Variants in PDGFC observed in about 807,000 individuals in gnomAD.
PDGFC encodes the protein platelet derived growth factor C, also known as platelet-derived growth factor C.
PDGFC carries 12 observed loss-of-function variants against 35.5 expected under a neutral mutation model. The ratio of observed to expected loss-of-function variants is 0.34; its 90% confidence interval spans 0.22 to 0.55. The LOEUF (loss-of-function observed/expected upper bound fraction) is 0.55. Ranked by LOEUF, PDGFC falls within the 20% of genes least tolerant of loss-of-function variation. The probability of loss-of-function intolerance (pLI) is 0.91; values close to 1 mark genes in which losing one functional copy is unlikely to be tolerated. For missense variants in PDGFC, 322 were observed against 412.4 expected (o/e 0.78, Z 1.90); for synonymous variants, 159 against 148.8 (o/e 1.07, Z -0.50).
intron 1 of PDGFC, among the ~76,000 whole-genome samples, chr4:156,926,308 A>G (rs541891824): frequency 4.7e-4 from 72 of 152,294 alleles, no homozygotes; most frequent in Middle Eastern, 3.4e-3. Flanking sequence ...CCATGATAGA[A>G]CCAAGAAAAC....
chr4:156,887,287 T>C (rs1730398541), intron 1 of PDGFC, among the ~76,000 whole-genome samples: 1 of 152,148 alleles, frequency 6.6e-6, no homozygotes. Flanking sequence ...TTCTGTTAAC[T>C]TGATAAGGAG....
intron 3 of PDGFC, among the ~76,000 whole-genome samples, chr4:156,797,439 A>T (rs902783115): frequency 1.4e-4 from 21 of 152,200 alleles, no homozygotes; most frequent in Admixed American, 1.2e-3. Context: ...GTGATACGCA[A>T]AAAACAGAAG....
In PDGFC at chr4:156,825,578, TAATAATAATAATAATAAG is replaced by T. The variant is rs1455494549; in HGVS notation, c.315-14579_315-14562del. ...ATAATAATAATAATAATAATAATAA[TAATAATAATAATAATAAG>T]AAGAAGAAGAAGAAGAAGAAGAAGA... On this transcript the variant is annotated intron_variant, in intron 2 of 5. Coordinates refer to ENST00000502773, the MANE Select transcript of PDGFC (RefSeq NM_016205.3). 3.8e-4 allele frequency among the ~76,000 whole-genome samples: 36 copies of T among 94,998 alleles called. 1 individual carries two copies. Among genetic ancestry groups the T allele is most frequent in the East Asian group, 3.2e-3 (11 of 3,472 alleles). The allele number at this position is 94,998 out of a possible 152,430, so 62.3% of individuals were successfully genotyped here. A position where few individuals can be genotyped will look rare whatever the true frequency, so the allele number is the denominator to read the frequency against.
At position 156,772,873 on chromosome 4, in the gene PDGFC, A is replaced by G; in HGVS notation, c.516T>C (p.Ser172=). The change falls in exon 4 of 6, where the codon AGT becomes AGC. Residue 172 remains serine, a synonymous_variant. Transcript: ENST00000502773. ...AAGCTGAAGGGGGTAGCACTGAAGG[A>G]CTCACAGCTTCTGTGAATTGCTGAA... The part of the protein sequence containing the change: ...IVMPQFTEAV[S]PSVLPPSALP... 6.2e-7 allele frequency: 1 copy of G among 1,612,072 alleles called. No individual in the cohort carries two copies. Among genetic ancestry groups the G allele is most frequent in the Non-Finnish European group, 8.5e-7 (1 of 1,178,242 alleles).
chr4:156,831,223 T>C (rs556888926), intron 2 of PDGFC, among the ~76,000 whole-genome samples: 2 of 152,342 alleles, frequency 1.3e-5, no homozygotes, highest in East Asian at 1.9e-4. Flanking sequence ...ACTTGTGCTG[T>C]TGAAATATCC....
At chr4:156,799,751 A>G (rs1293649587) in intron 3 of PDGFC, among the ~76,000 whole-genome samples, 1 of 152,184 alleles carries the variant, frequency 6.6e-6, no homozygotes, top group Non-Finnish European at 1.5e-5. Flanking sequence ...AAAAATATTG[A>G]CTGCATTCAT....
intron 1 of PDGFC, among the ~76,000 whole-genome samples, chr4:156,899,077 A>C (rs1054056265): frequency 6.6e-6 from 1 of 152,192 alleles, no homozygotes; most frequent in African/African-American, 2.4e-5. Flanking sequence ...ACAAAACAAA[A>C]CCAGTAAAAT....
rs59130178 is a variant in PDGFC, at chr4:156,790,493, T to C, written c.496-17600A>G. ...GGAGGAAAGGAGATTGTGAATCAGA[T>C]GGAAGATAAGCAAAAACAATTTAAA... is the stretch of plus-strand genomic sequence containing the variant. On this transcript the variant is annotated intron_variant, in intron 3 of 5. Coordinates refer to ENST00000502773, the MANE Select transcript of PDGFC (RefSeq NM_016205.3). Among the ~76,000 whole-genome samples, 710 of 152,342 alleles carry C rather than the reference T, an allele frequency of 4.7e-3. 4 individuals carry two copies. Among genetic ancestry groups the C allele is most frequent in the African/African-American group, 0.016 (659 of 41,572 alleles).
intron 1 of PDGFC, among the ~76,000 whole-genome samples, chr4:156,924,337 T>G (rs949465757): frequency 6.6e-6 from 1 of 152,198 alleles, no homozygotes; most frequent in South Asian, 2.1e-4. Context: ...ACCTGTAATA[T>G]AGAAGGCACT....
At chr4:156,933,349 C>T (rs539056545) in intron 1 of PDGFC, among the ~76,000 whole-genome samples, 10 of 152,294 alleles carry the variant, frequency 6.6e-5, no homozygotes, top group East Asian at 1.9e-4. Context: ...AATCAATACA[C>T]GGCATCTTTT....
At chr4:156,885,909 T>C (rs1045990419) in intron 1 of PDGFC, among the ~76,000 whole-genome samples, 3 of 150,840 alleles carry the variant, frequency 2.0e-5, no homozygotes, top group Non-Finnish European at 4.4e-5. Flanking sequence ...ATAAATAAAA[T>C]TCAGGCCTCT....
At chr4:156,944,727 A>G (rs1731897162) in intron 1 of PDGFC, among the ~76,000 whole-genome samples, 1 of 152,116 alleles carries the variant, frequency 6.6e-6, no homozygotes, top group Admixed American at 6.6e-5. Context: ...TTCAGAATAA[A>G]TCCAAAACCT....
intron 1 of PDGFC, among the ~76,000 whole-genome samples, chr4:156,868,184 A>T (rs1729890192): frequency 6.6e-6 from 1 of 152,232 alleles, no homozygotes; most frequent in South Asian, 2.1e-4. Context: ...TTTGACAAAA[A>T]ATGCAGTATA....
chr4:156,960,252 T>TTTTATATATATATATA (rs1393791877), intron 1 of PDGFC, among the ~76,000 whole-genome samples: 72 of 137,120 alleles, frequency 5.3e-4, no homozygotes, highest in African/African-American at 2.0e-3. Context: ...TATATAACTG[T>TTTTATATATATATATA]TATATATATA....
Position 156,892,202 on chromosome 4 carries a change from A to G in PDGFC, c.119-41786T>C, listed in dbSNP as rs1390660171. 3.2e-4 allele frequency among the ~76,000 whole-genome samples: 49 copies of G among 152,220 alleles called. 1 individual carries two copies. Among genetic ancestry groups the G allele is most frequent in the Non-Finnish European group, 1.5e-5 (1 of 68,048 alleles). ...TAAAACAAATAAAAAGTATAAATAA[A>G]GCACCAGTAAATGCTGGGAACCAAT... On this transcript the variant is annotated intron_variant, in intron 1 of 5. Coordinates refer to ENST00000502773, the MANE Select transcript of PDGFC (RefSeq NM_016205.3).
chr4:156,872,583 A>G (rs1031313285), intron 1 of PDGFC, among the ~76,000 whole-genome samples: 6 of 152,162 alleles, frequency 3.9e-5, no homozygotes, highest in African/African-American at 1.4e-4. Flanking sequence ...ATAGGCCTTC[A>G]TGGTTCTTTA....
At chr4:156,813,990 C>T (rs1476023090) in intron 2 of PDGFC, among the ~76,000 whole-genome samples, 6 of 152,052 alleles carry the variant, frequency 3.9e-5, no homozygotes, top group East Asian at 3.9e-4. Context: ...ACATAGTAAA[C>T]GCTGTGTCAG....
chr4:156,834,373 T>G (rs941489336), intron 2 of PDGFC, among the ~76,000 whole-genome samples: 1 of 152,190 alleles, frequency 6.6e-6, no homozygotes, highest in South Asian at 2.1e-4. Context: ...GCAGGCCTCA[T>G]TTCCACTGAG....
At chr4:156,824,411 TAC>T (rs904373000) in intron 2 of PDGFC, among the ~76,000 whole-genome samples, 5 of 149,878 alleles carry the variant, frequency 3.3e-5, no homozygotes, top group Non-Finnish European at 4.4e-5. Flanking sequence ...CACACATATA[TAC>T]ACACACACAT....
Sources: gnomAD v4.1 joint callset for allele counts (sites outside exome capture counted in the v4.1 genomes callset) on GRCh38, gnomAD v4.1.1 for gene constraint, MANE v1.5 for transcripts, NCBI Gene and HGNC (gene_info 2026-07-23, HGNC 2026-07-21) for gene names.